Variants in CADM2 observed in about 807,000 individuals in gnomAD.
The protein encoded by CADM2 is cell adhesion molecule 2.
Under a neutral mutation model 49.8 loss-of-function variants are expected in CADM2, and 12 were observed. The observed-to-expected ratio is 0.24, with a 90% CI of 0.15 to 0.39. The LOEUF (loss-of-function observed/expected upper bound fraction) is 0.39, where lower values mean the gene tolerates loss of function less well. Among genes scored for constraint, CADM2 ranks in the 10% least tolerant of loss-of-function variants. The probability of loss-of-function intolerance (pLI) is 1.00; values close to 1 mark genes in which losing one functional copy is unlikely to be tolerated. For missense variants in CADM2, 378 were observed against 492.3 expected (o/e 0.77, Z 2.20); for synonymous variants, 214 against 175.4 (o/e 1.22, Z -1.74).
chr3:85,405,700 GT>G (rs1004055579), intron 1 of CADM2, among the ~76,000 whole-genome samples: 11 of 151,468 alleles, frequency 7.3e-5, no homozygotes, highest in South Asian at 4.2e-4. Flanking sequence ...AAAGCTCCTA[GT>G]TTTTTTTTAA....
chr3:85,004,585 A>G (rs976667397), intron 1 of CADM2, among the ~76,000 whole-genome samples: 1 of 152,116 alleles, frequency 6.6e-6, no homozygotes, highest in Non-Finnish European at 1.5e-5. Context: ...GGGTAGGGAT[A>G]AATGAAATAC....
At chr3:85,058,150 A>G (rs566977869) in intron 1 of CADM2, among the ~76,000 whole-genome samples, 3 of 152,194 alleles carry the variant, frequency 2.0e-5, no homozygotes, top group Non-Finnish European at 2.9e-5. Flanking sequence ...AAGTTATTTT[A>G]CTATAAATCT....
chr3:85,237,230 A>T (rs1196553034), intron 1 of CADM2, among the ~76,000 whole-genome samples: 1 of 151,956 alleles, frequency 6.6e-6, no homozygotes, highest in East Asian at 1.9e-4. Context: ...GAAATGAAGG[A>T]TTGTTGGAAG....
At chr3:85,459,592 T>TA (rs2038147577) in intron 1 of CADM2, among the ~76,000 whole-genome samples, 2 of 152,218 alleles carry the variant, frequency 1.3e-5, no homozygotes, top group South Asian at 4.1e-4. Flanking sequence ...GATGCTGAAA[T>TA]AAACTATATT....
At chr3:85,719,690 G>T (rs971289355) in intron 1 of CADM2, among the ~76,000 whole-genome samples, 1 of 151,368 alleles carries the variant, frequency 6.6e-6, no homozygotes, top group Non-Finnish European at 1.5e-5. Flanking sequence ...TCTATCTCAG[G>T]GATGGCAGAG....
intron 3 of CADM2, among the ~76,000 whole-genome samples, chr3:85,833,761 G>T (rs116071810): frequency 1.8e-3 from 271 of 151,610 alleles, no homozygotes; most frequent in African/African-American, 6.2e-3. Flanking sequence ...ATATAGCTTT[G>T]TTACAGACAA....
intron 1 of CADM2, among the ~76,000 whole-genome samples, chr3:85,522,854 C>A (rs1014740470): frequency 2.0e-5 from 3 of 151,954 alleles, no homozygotes; most frequent in African/African-American, 2.4e-5. Flanking sequence ...ATCAGGAATT[C>A]TTGGAGAAAG....
chr3:85,664,323 G>T (rs1436623070), intron 1 of CADM2, among the ~76,000 whole-genome samples: 1 of 151,894 alleles, frequency 6.6e-6, no homozygotes. Flanking sequence ...ATAGCTACAG[G>T]CATTTTCAAG....
At chr3:85,236,388 G>T (rs535277928) in intron 1 of CADM2, among the ~76,000 whole-genome samples, 23 of 152,170 alleles carry the variant, frequency 1.5e-4, no homozygotes, top group African/African-American at 4.6e-4. Context: ...AATACAAAAT[G>T]AGAGTAATAA....
chr3:85,303,178 C>T (rs922474989), intron 1 of CADM2, among the ~76,000 whole-genome samples: 1 of 151,914 alleles, frequency 6.6e-6, no homozygotes, highest in Non-Finnish European at 1.5e-5. Flanking sequence ...GCATGACATT[C>T]TTGGAACTCA....
intron 6 of CADM2, among the ~76,000 whole-genome samples, chr3:85,923,958 A>T (rs4364177): frequency 6.6e-6 from 1 of 152,042 alleles, no homozygotes; most frequent in African/African-American, 2.4e-5. Context: ...TATCCATTTT[A>T]TTCTTATGTT....
At chr3:85,089,077 T>C (rs1273364507) in intron 1 of CADM2, among the ~76,000 whole-genome samples, 1 of 152,100 alleles carries the variant, frequency 6.6e-6, no homozygotes, top group Non-Finnish European at 1.5e-5. Flanking sequence ...GCTGAATAAC[T>C]TTTCCTATAA....
chr3:84,960,888 G>A (rs424029), intron 1 of CADM2, among the ~76,000 whole-genome samples: 7,650 of 152,238 alleles, frequency 0.05, 242 homozygotes, highest in African/African-American at 0.074. Context: ...TAGGTGGGCA[G>A]GGGCTGTAAG....
chr3:85,168,353 C>T (rs1366875195), intron 1 of CADM2, among the ~76,000 whole-genome samples: 1 of 152,100 alleles, frequency 6.6e-6, no homozygotes, highest in Non-Finnish European at 1.5e-5. Flanking sequence ...CCATGCCCGG[C>T]CCCTTAACCG....
At chr3:85,143,959 A>G (rs2039653118) in intron 1 of CADM2, among the ~76,000 whole-genome samples, 1 of 152,126 alleles carries the variant, frequency 6.6e-6, no homozygotes, top group African/African-American at 2.4e-5. Flanking sequence ...ATCTTCAGTT[A>G]TACTCCTACC....
At chr3:86,013,331 A>T in intron 8 of CADM2, 2 of 1,543,914 alleles carry the variant, frequency 1.3e-6, no homozygotes, top group Non-Finnish European at 1.8e-6. Context: ...AAAACAAAGA[A>T]TACCTAAAAT....
At chr3:86,022,672 A>G (rs1457893099) in intron 8 of CADM2, among the ~76,000 whole-genome samples, 2 of 152,158 alleles carry the variant, frequency 1.3e-5, no homozygotes, top group African/African-American at 4.8e-5. Flanking sequence ...CTTTTTTATT[A>G]TAAATACACA....
At chr3:85,559,159 A>T (rs1039946947) in intron 1 of CADM2, among the ~76,000 whole-genome samples, 9 of 152,066 alleles carry the variant, frequency 5.9e-5, no homozygotes, top group Admixed American at 5.2e-4. Flanking sequence ...ATCTTGTGAT[A>T]TACTATAAAT....
intron 1 of CADM2, among the ~76,000 whole-genome samples, chr3:85,553,460 A>G (rs2061869003): frequency 6.6e-6 from 1 of 152,212 alleles, no homozygotes; most frequent in African/African-American, 2.4e-5. Context: ...GTACTACACT[A>G]TTTACTGTCA....
Sources: gnomAD v4.1 joint callset for allele counts (sites outside exome capture counted in the v4.1 genomes callset) on GRCh38, gnomAD v4.1.1 for gene constraint, MANE v1.5 for transcripts, NCBI Gene and HGNC (gene_info 2026-07-23, HGNC 2026-07-21) for gene names.